RTL4: variants seen among roughly 807,000 people sequenced by gnomAD.
The protein encoded by RTL4 is retrotransposon Gag-like protein 4.
RTL4 carries 4 observed loss-of-function variants against 5.3 expected under a neutral mutation model. The observed-to-expected ratio is 0.75, with a 90% CI of 0.37 to 1.72. The LOEUF is 1.72. RTL4 is among the 40% of genes most tolerant of loss of function. The pLI, the probability that RTL4 is intolerant of heterozygous loss-of-function variation, is 0.04. For synonymous variants in RTL4, 98 were observed against 87.3 expected (o/e 1.12, Z -0.68); for missense variants, 260 against 227.1 (o/e 1.14, Z -0.93).
At chrX:112,315,133 G>T in the RTL4 span, among the ~76,000 whole-genome samples, 1 of 111,749 alleles carries the variant, frequency 8.9e-6, no homozygotes, top group African/African-American at 3.3e-5. Context: ...AAGAGAGAAA[G>T]CTCCAGAAGT....
the RTL4 span, among the ~76,000 whole-genome samples, chrX:112,142,421 A>G: frequency 8.9e-6 from 1 of 112,225 alleles, no homozygotes; most frequent in South Asian, 3.7e-4. Flanking sequence ...CTGATGGTGG[A>G]AGGATTTAAT....
the RTL4 span, among the ~76,000 whole-genome samples, chrX:112,278,781 T>C: frequency 6.3e-5 from 7 of 110,634 alleles, no homozygotes; most frequent in South Asian, 3.8e-4. Flanking sequence ...TTAAAGGCAA[T>C]GTGGAGGGAA....
chrX:112,312,101 G>A, the RTL4 span, among the ~76,000 whole-genome samples: 1 of 111,379 alleles, frequency 9.0e-6, no homozygotes, highest in Non-Finnish European at 1.9e-5. Flanking sequence ...TCCCAGCATA[G>A]GTAATAACCT....
the RTL4 span, among the ~76,000 whole-genome samples, chrX:112,375,351 G>A: frequency 9.0e-6 from 1 of 110,943 alleles, no homozygotes; most frequent in African/African-American, 3.3e-5. Flanking sequence ...AGTTTGTAGA[G>A]TGGTTATTAA....
chrX:112,282,804 T>C, the RTL4 span, among the ~76,000 whole-genome samples: 2 of 111,551 alleles, frequency 1.8e-5, no homozygotes, highest in African/African-American at 6.5e-5. Flanking sequence ...ACAGTGAAAA[T>C]ATTAATAATT....
chrX:112,116,238 A>G, the RTL4 span, among the ~76,000 whole-genome samples: 2 of 111,621 alleles, frequency 1.8e-5, no homozygotes, highest in African/African-American at 6.5e-5. Context: ...GGTACTCACC[A>G]CTTGGCGATA....
At chrX:112,200,101 A>G in the RTL4 span, among the ~76,000 whole-genome samples, 1,111 of 112,185 alleles carry the variant, frequency 9.9e-3, 15 homozygotes, top group African/African-American at 0.034. Context: ...TCAAACCTAG[A>G]GGAAGGAGTA....
the RTL4 span, among the ~76,000 whole-genome samples, chrX:112,105,592 T>C: frequency 9.0e-6 from 1 of 111,202 alleles, no homozygotes; most frequent in African/African-American, 3.3e-5. Context: ...TTTTAGAATA[T>C]AGATTTTTCA....
chrX:112,322,110 A>T, the RTL4 span, among the ~76,000 whole-genome samples: 11 of 111,755 alleles, frequency 9.8e-5, no homozygotes, highest in Admixed American at 6.7e-4. Context: ...AGTTAAAATC[A>T]AAGTTTTAGT....
the RTL4 span, among the ~76,000 whole-genome samples, chrX:112,266,574 G>A: frequency 2.7e-5 from 3 of 111,452 alleles, no homozygotes; most frequent in Non-Finnish European, 3.8e-5. Context: ...GCCAGATAAC[G>A]TGGTCTCCAT....
the RTL4 span, among the ~76,000 whole-genome samples, chrX:112,121,060 T>C: frequency 9.0e-6 from 1 of 111,703 alleles, no homozygotes; most frequent in African/African-American, 3.3e-5. Context: ...ACATGGGTGA[T>C]GAAATAATCT....
At chrX:112,272,034 G>C in the RTL4 span, among the ~76,000 whole-genome samples, 1 of 111,703 alleles carries the variant, frequency 9.0e-6, no homozygotes, top group African/African-American at 3.3e-5. Flanking sequence ...TGTGTAGTGA[G>C]AACATTTAAG....
chrX:112,270,599 C>T, the RTL4 span, among the ~76,000 whole-genome samples: 4,751 of 111,145 alleles, frequency 0.043, 233 homozygotes, highest in African/African-American at 0.15. Context: ...CTGAATTAGC[C>T]TATTATTTCA....
At chrX:112,142,327 T>C in the RTL4 span, among the ~76,000 whole-genome samples, 3 of 112,460 alleles carry the variant, frequency 2.7e-5, no homozygotes, top group Non-Finnish European at 5.6e-5. Flanking sequence ...GTGTCTGTCT[T>C]AGTGAACTCA....
chrX:112,438,426 C>T, the RTL4 span, among the ~76,000 whole-genome samples: 35 of 112,527 alleles, frequency 3.1e-4, no homozygotes, highest in African/African-American at 1.0e-3. Flanking sequence ...CACTGCTCTC[C>T]TCTGCCCCCA....
the RTL4 span, among the ~76,000 whole-genome samples, chrX:112,424,750 T>G: frequency 3.6e-5 from 4 of 111,067 alleles, no homozygotes; most frequent in African/African-American, 1.3e-4. Context: ...CTGAAGTTGG[T>G]TTTTTTACAT....
chrX:112,454,601 A>G, exon 1 of RTL4: 2 of 617,897 alleles, frequency 3.2e-6, no homozygotes, highest in Middle Eastern at 9.8e-4. Context: ...TGTCTTCTTC[A>G]CAGCTAACAG....
At chrX:112,116,715 G>A in the RTL4 span, among the ~76,000 whole-genome samples, 135 of 111,528 alleles carry the variant, frequency 1.2e-3, no homozygotes, top group African/African-American at 4.1e-3. Context: ...CAATTCTCTC[G>A]TAAGACAGAA....
chrX:112,262,843 A>C, the RTL4 span, among the ~76,000 whole-genome samples: 1 of 110,997 alleles, frequency 9.0e-6, no homozygotes, highest in African/African-American at 3.3e-5. Context: ...GAACATATAC[A>C]CCATGGAATA....
Sources: allele counts gnomAD v4.1 joint callset (sites outside exome capture counted in the v4.1 genomes callset), GRCh38; gene constraint gnomAD v4.1.1; transcripts MANE v1.5; gene names NCBI Gene and HGNC (gene_info 2026-07-23, HGNC 2026-07-21).